The following MGA variants were observed in gnomAD, a reference collection of about 807,000 sequenced individuals.
MGA encodes the protein MAX gene-associated protein.
Under a neutral mutation model 261.1 loss-of-function variants are expected in MGA, and 40 were observed. That is an observed-to-expected ratio of 0.15 (90% CI 0.12 to 0.20). MGA has a LOEUF of 0.20. Ranked by LOEUF, MGA falls within the 10% of genes least tolerant of loss-of-function variation. The probability of loss-of-function intolerance (pLI) is 1.00; values close to 1 mark genes in which losing one functional copy is unlikely to be tolerated. For synonymous variants in MGA, 1,302 were observed against 1,290.6 expected, an observed-to-expected ratio of 1.01 and a Z score of -0.19; for missense variants, 3,397 against 3,630.5, an observed-to-expected ratio of 0.94 and a Z score of 1.65.
chr15:41,759,482 T>C (rs1408816428), intron 19 of MGA, among the ~76,000 whole-genome samples: 2 of 148,640 alleles, frequency 1.3e-5, no homozygotes, highest in Non-Finnish European at 3.0e-5. Context: ...TTTTTTTTTT[T>C]TGTAAAGATG....
chr15:41,669,289 A>G lies in MGA; in HGVS notation c.395A>G (p.Asn132Ser). ...GTCATGGATATATCTCCTGTGGATA[A>G]CCATCGTTATAAGTGGAATGGTCGT... The change falls in exon 2 of 24, where the codon AAC (asparagine) becomes AGC (serine). Residue 132 changes from asparagine (N) to serine (S), a missense_variant. This residue lies in a region of MGA where 104 missense variants were observed against 212.9 expected (regional missense o/e 0.49). Coordinates refer to ENST00000219905, the MANE Select transcript of MGA (RefSeq NM_001164273.2). 6.2e-7 allele frequency: 1 copy of G among 1,614,020 alleles called. No individual in the cohort carries two copies. The highest frequency in any genetic ancestry group is 1.1e-5 in the South Asian group (1 of 91,088).
chr15:41,678,310 C>T (rs1009211773), intron 2 of MGA, among the ~76,000 whole-genome samples: 1 of 151,458 alleles, frequency 6.6e-6, no homozygotes, highest in African/African-American at 2.4e-5. Context: ...AGGCTGGTGT[C>T]GAACTCCTGA....
At chr15:41,699,305 T>A in intron 5 of MGA, 146 bp downstream of exon 5, 1 of 598,588 alleles carries the variant, frequency 1.7e-6, no homozygotes, top group East Asian at 3.1e-5. Context: ...TTTCAGCACG[T>A]CTTTCAGTTT....
Position 41,669,660 on chromosome 15 carries a change from A to G in MGA, c.766A>G (p.Lys256Glu). 6.2e-7 allele frequency: 1 copy of G among 1,613,848 alleles called. No individual in the cohort carries two copies. The highest frequency in any genetic ancestry group is 8.5e-7 in the Non-Finnish European group (1 of 1,179,814). ...GAAAATAGATTACAATCCATTTGCC[A>G]AAGGCTTTCGGGATGATGGGCTGAA... The change falls in exon 2 of 24, where the codon AAA (lysine) becomes GAA (glutamate). Residue 256 changes from lysine (K) to glutamate (E), a missense_variant. This residue lies in a region of MGA where 563 missense variants were observed against 563.6 expected (regional missense o/e 1.00). Coordinates refer to ENST00000219905, the MANE Select transcript of MGA (RefSeq NM_001164273.2).
At chr15:41,640,894 T>G (rs1277378535) in intron 1 of MGA, among the ~76,000 whole-genome samples, 1 of 152,142 alleles carries the variant, frequency 6.6e-6, no homozygotes, top group African/African-American at 2.4e-5. Flanking sequence ...AATTCAGTGG[T>G]TTTTAGTGTA....
At chr15:41,735,799 T>C (rs1016422934) in intron 12 of MGA, among the ~76,000 whole-genome samples, 1 of 152,190 alleles carries the variant, frequency 6.6e-6, no homozygotes, top group Non-Finnish European at 1.5e-5. Flanking sequence ...AATCTGTACA[T>C]GTTTCAAAGC....
Position 41,669,718 on chromosome 15 carries a change from A to G in MGA, c.824A>G (p.Asn275Ser), listed in dbSNP as rs1384849789. Residue 275 changes from asparagine to serine, a missense_variant, in exon 2 of 24, where the codon AAC (asparagine) becomes AGC (serine). Physicochemically the swap from Asn to Ser is conservative, Grantham distance 46. Transcript: ENST00000219905. ...CCCCAGAGAGATGGAAAACAAAAGAACAGCTCTGACCAAGAAGGGAATAAT... is the reference window on the plus strand; with the variant it reads ...CCCCAGAGAGATGGAAAACAAAAGAGCAGCTCTGACCAAGAAGGGAATAAT... 3 of 1,613,512 alleles carry G rather than the reference A, an allele frequency of 1.9e-6. No homozygotes were observed. Among genetic ancestry groups the G allele is most frequent in the African/African-American group, 2.7e-5 (2 of 74,936 alleles).
At chr15:41,714,230 G>T (rs912103994) in intron 9 of MGA, among the ~76,000 whole-genome samples, 1 of 152,166 alleles carries the variant, frequency 6.6e-6, no homozygotes, top group Non-Finnish European at 1.5e-5. Context: ...TAATATTTCA[G>T]TGTATGTTCC....
chr15:41,756,542 A>G (rs1252188758), intron 18 of MGA, among the ~76,000 whole-genome samples: 3 of 152,184 alleles, frequency 2.0e-5, no homozygotes, highest in Non-Finnish European at 4.4e-5. Flanking sequence ...TATGCCCCAG[A>G]AAAATTTTCA....
At chr15:41,750,675 CAG>C in intron 17 of MGA, 60 bp downstream of exon 17, 1 of 1,452,258 alleles carries the variant, frequency 6.9e-7, no homozygotes, top group Non-Finnish European at 9.1e-7. Flanking sequence ...TTATTAAAGA[CAG>C]AAGCTTTTTC....
intron 1 of MGA, among the ~76,000 whole-genome samples, chr15:41,642,410 A>G (rs2056840400): frequency 6.6e-6 from 1 of 151,230 alleles, no homozygotes; most frequent in South Asian, 2.1e-4. Context: ...CCCGGGTTCA[A>G]GCTTTTCTCC....
In MGA at chr15:41,766,612, C is replaced by A; in HGVS notation, c.8530C>A (p.Leu2844Met). The change falls in exon 24 of 24, where the codon CTG becomes ATG. Residue 2844 changes from leucine to methionine, a missense_variant. Physicochemically the swap from Leu to Met is conservative, Grantham distance 15. Around this residue, in one of 9 missense-constraint regions of MGA, gnomAD observed 647 missense variants for 642.4 expected, o/e 1.01. Coordinates refer to ENST00000219905, the MANE Select transcript of MGA (RefSeq NM_001164273.2). ...ACAACTAAATGATGACTCTGTTGGC[C>A]TGGCTGAACTACCCAGCTCTATGGA... 6.2e-7 allele frequency: 1 copy of A among 1,614,012 alleles called. No individual in the cohort carries two copies. The highest frequency in any genetic ancestry group is 1.3e-5 in the African/African-American group (1 of 75,034).
intron 17 of MGA, among the ~76,000 whole-genome samples, chr15:41,753,377 CTTTT>C (rs35896458): frequency 2.8e-5 from 4 of 143,798 alleles, no homozygotes; most frequent in Non-Finnish European, 3.0e-5. Flanking sequence ...ATAGTAAACA[CTTTT>C]TTTTTTTTTT....
chr15:41,653,354 C>A (rs1322810343), intron 1 of MGA, among the ~76,000 whole-genome samples: 1 of 150,354 alleles, frequency 6.7e-6, no homozygotes, highest in Admixed American at 6.6e-5. Flanking sequence ...GGGTGACAGA[C>A]CGAGACTCCA....
chr15:41,692,844 T>C (rs1158915712), intron 2 of MGA, among the ~76,000 whole-genome samples: 3 of 152,188 alleles, frequency 2.0e-5, no homozygotes, highest in Non-Finnish European at 4.4e-5. Context: ...CCCGAGTAGC[T>C]GGGATTACAG....
rs182635015 is a variant in MGA at position 41,731,298 on chromosome 15, T to C, written c.3843+1949T>C. ...CTTTGTTACCTATATTAAAAAATTATATAGTTAAGCTAGTAGCATTTATGC... is the reference window on the plus strand; with the variant it reads ...CTTTGTTACCTATATTAAAAAATTACATAGTTAAGCTAGTAGCATTTATGC... On this transcript the variant is annotated intron_variant, in intron 11 of 23. Transcript: ENST00000219905. Among the ~76,000 whole-genome samples, 471 of 152,280 alleles carry C rather than the reference T, an allele frequency of 3.1e-3. 13 individuals carry two copies. The highest frequency in any genetic ancestry group is 8.7e-4 in the Non-Finnish European group (59 of 68,014).
chr15:41,660,236 A>G (rs951147059), upstream of MGA, among the ~76,000 whole-genome samples: 1 of 152,096 alleles, frequency 6.6e-6, no homozygotes, highest in African/African-American at 2.4e-5. Flanking sequence ...GGACCCGGAA[A>G]AGCAGCGGCT....
At chr15:41,711,750 C>T (rs1279558926) in intron 8 of MGA, among the ~76,000 whole-genome samples, 2 of 151,812 alleles carry the variant, frequency 1.3e-5, no homozygotes, top group Non-Finnish European at 2.9e-5. Context: ...GGCTGGAGTG[C>T]AGTGGCAGGA....
chr15:41,694,059 G>A (rs1205840849), intron 2 of MGA, among the ~76,000 whole-genome samples: 1 of 152,022 alleles, frequency 6.6e-6, no homozygotes, highest in Non-Finnish European at 1.5e-5. Context: ...GTTCTAAGTG[G>A]AGGAGGGTCA....
Sources: allele counts gnomAD v4.1 joint callset (sites outside exome capture counted in the v4.1 genomes callset), GRCh38; gene constraint gnomAD v4.1.1; regional missense constraint gnomAD v4.1.1; transcripts MANE v1.5; gene names NCBI Gene and HGNC (gene_info 2026-07-23, HGNC 2026-07-21).